Variants in LGR4 observed in about 807,000 individuals in gnomAD.
The protein encoded by LGR4 is leucine-rich repeat-containing G protein-coupled receptor 4.
In LGR4, 44 loss-of-function variants were observed where a neutral mutation model predicts 84.8. That is an observed-to-expected ratio of 0.52 (90% confidence interval 0.41 to 0.67). The LOEUF is 0.67. Ranked by LOEUF, LGR4 falls within the 30% of genes least tolerant of loss-of-function variation. The pLI is 0.00. For synonymous variants in LGR4, 429 were observed against 434.3 expected (o/e 0.99, Z 0.15); for missense variants, 1,032 against 1,131.4 (o/e 0.91, Z 1.26).
chr11:27,413,227 T>A (rs1386619861), intron 1 of LGR4, among the ~76,000 whole-genome samples: 1 of 152,078 alleles, frequency 6.6e-6, no homozygotes, highest in Non-Finnish European at 1.5e-5. Context: ...AGGAACGATA[T>A]GTAGAATTTA....
rs1244364168 is a variant in LGR4 at position 27,367,805 on chromosome 11, T to G, written c.*62A>C. 8.2e-7 allele frequency: 1 copy of G among 1,220,330 alleles called. No individual in the cohort carries two copies. Among genetic ancestry groups the G allele is most frequent in the Non-Finnish European group, 1.2e-6 (1 of 867,870 alleles). 75.6% of individuals were successfully genotyped at this position (1,220,330 alleles called of 1,614,324 possible). ...GTGCTTCCCAGATGAAAGATGAGAA[T>G]AGGGTTCACTCTATAAACACTGATT... On this transcript the variant is annotated 3_prime_UTR_variant, in exon 18 of 18. Coordinates refer to ENST00000379214, the MANE Select transcript of LGR4 (RefSeq NM_018490.5).
chr11:27,465,057 T>C (rs926879205), intron 1 of LGR4, among the ~76,000 whole-genome samples: 5 of 152,224 alleles, frequency 3.3e-5, no homozygotes, highest in African/African-American at 9.6e-5. Flanking sequence ...TAAATATGCT[T>C]CCTCTGCACA....
chr11:27,472,405 C>CG lies in LGR4; in HGVS notation c.-104dup, dbSNP rs1156468204. 2 of 948,468 alleles carry CG rather than the reference C, an allele frequency of 2.1e-6. No individual in the cohort carries two copies. Among genetic ancestry groups the CG allele is most frequent in the Middle Eastern group, 3.8e-4 (1 of 2,612 alleles). The allele number at this position is 948,468 out of a possible 1,614,324, so 58.8% of individuals were successfully genotyped here. Reference sequence around the variant, plus strand: ...CGGGCAGCCGGCCTGCGGGCTGGAGCGGGGGTCTCTTCCTCGGCGGTCCGC... The same window carrying CG: ...CGGGCAGCCGGCCTGCGGGCTGGAGCGGGGGGTCTCTTCCTCGGCGGTCCGC... On this transcript the variant is annotated 5_prime_UTR_variant, in exon 1 of 18. Transcript: ENST00000379214.
At chr11:27,418,008 C>T (rs185483528) in intron 1 of LGR4, among the ~76,000 whole-genome samples, 17 of 152,240 alleles carry the variant, frequency 1.1e-4, no homozygotes, top group South Asian at 4.1e-4. Flanking sequence ...GCTTCCTTTA[C>T]AAGAGGGAAA....
chr11:27,399,669 A>G (rs188890575), intron 2 of LGR4, among the ~76,000 whole-genome samples: 74 of 152,016 alleles, frequency 4.9e-4, no homozygotes, highest in African/African-American at 1.8e-3. Flanking sequence ...ACAGGCGCCC[A>G]CCACCATGCC....
At chr11:27,462,524 T>G (rs999274125) in intron 1 of LGR4, among the ~76,000 whole-genome samples, 1 of 152,224 alleles carries the variant, frequency 6.6e-6, no homozygotes, top group African/African-American at 2.4e-5. Flanking sequence ...ATCTACCAGA[T>G]GAGTAGCCTT....
intron 6 of LGR4, among the ~76,000 whole-genome samples, chr11:27,383,852 G>A (rs1299964217): frequency 1.3e-5 from 2 of 152,102 alleles, no homozygotes; most frequent in African/African-American, 2.4e-5. Flanking sequence ...AACAGCCAGA[G>A]GTCTCAAACA....
intron 15 of LGR4, 113 bp downstream of exon 15, chr11:27,373,438 C>T: frequency 1.9e-6 from 2 of 1,038,510 alleles, no homozygotes; most frequent in Non-Finnish European, 2.7e-6. Flanking sequence ...AGAAAACACC[C>T]TTAAATTATA....
At chr11:27,457,369 C>T (rs570213250) in intron 1 of LGR4, among the ~76,000 whole-genome samples, 1 of 152,284 alleles carries the variant, frequency 6.6e-6, no homozygotes, top group South Asian at 2.1e-4. Flanking sequence ...CTACAGGAGT[C>T]TCTGGCGGGG....
Position 27,378,686 on chromosome 11 carries a change from A to G in LGR4, c.1043+11T>C, listed in dbSNP as rs745875057. On this transcript the variant is annotated intron_variant, in intron 11 of 17. Transcript: ENST00000379214. The stretch of plus-strand genomic sequence containing the variant: ...AAGGTATGAGGGGAAGGGAAGAAGA[A>G]TCCAACTTACAAAGTCCTAAGCATC... 1 of 1,575,602 alleles carries G rather than the reference A, an allele frequency of 6.3e-7. No homozygotes were observed. The highest frequency in any genetic ancestry group is 1.7e-5 in the Admixed American group (1 of 59,378).
intron 2 of LGR4, among the ~76,000 whole-genome samples, chr11:27,403,634 TA>T (rs1218180826): frequency 6.6e-6 from 1 of 152,224 alleles, no homozygotes; most frequent in Middle Eastern, 3.2e-3. Flanking sequence ...AGTAGGAGTC[TA>T]TTTTTTAAAG....
At chr11:27,466,256 TAGAGA>T (rs1046014900) in intron 1 of LGR4, among the ~76,000 whole-genome samples, 2 of 152,206 alleles carry the variant, frequency 1.3e-5, no homozygotes, top group Admixed American at 1.3e-4. Context: ...CTTTTTTTAA[TAGAGA>T]AAAGGCAGGA....
At chr11:27,409,791 C>T (rs915023975) in intron 2 of LGR4, among the ~76,000 whole-genome samples, 12 of 152,158 alleles carry the variant, frequency 7.9e-5, no homozygotes, top group African/African-American at 2.9e-4. Flanking sequence ...ACCCTTACTA[C>T]TACCCTCATT....
intron 4 of LGR4, among the ~76,000 whole-genome samples, chr11:27,387,349 G>A (rs2133375033): frequency 6.6e-6 from 1 of 152,230 alleles, no homozygotes; most frequent in African/African-American, 2.4e-5. Flanking sequence ...AACTACCTCT[G>A]GAATAGATAA....
chr11:27,432,941 T>G (rs1864138795), intron 1 of LGR4, among the ~76,000 whole-genome samples: 1 of 152,132 alleles, frequency 6.6e-6, no homozygotes, highest in Non-Finnish European at 1.5e-5. Flanking sequence ...CTGTTAACAT[T>G]CCACAATGAG....
intron 1 of LGR4, among the ~76,000 whole-genome samples, chr11:27,463,423 G>A (rs576483071): frequency 6.6e-6 from 1 of 152,194 alleles, no homozygotes; most frequent in African/African-American, 2.4e-5. Flanking sequence ...TAGCAGAGAA[G>A]GGATGAAAAC....
At position 27,445,868 on chromosome 11, in the gene LGR4, C is replaced by A. The variant is rs1864380377; in HGVS notation, c.185+26250G>T. On this transcript the variant is annotated intron_variant, in intron 1 of 17. Coordinates refer to ENST00000379214, the MANE Select transcript of LGR4 (RefSeq NM_018490.5). Reference sequence around the variant, plus strand: ...CTACAGGCTGGGCAACAGAGTGAGACCCTGTCTCAAAAAATAAAAAAAAAA... The same window carrying A: ...CTACAGGCTGGGCAACAGAGTGAGAACCTGTCTCAAAAAATAAAAAAAAAA... Among the ~76,000 whole-genome samples the A allele has an allele frequency of 2.8e-5, 4 of 141,356 alleles. No individual in the cohort carries two copies. In the South Asian group the frequency reaches 1.0e-3, roughly 36 times the overall value. 92.7% of individuals were successfully genotyped at this position (141,356 alleles called of 152,430 possible).
intron 1 of LGR4, among the ~76,000 whole-genome samples, chr11:27,438,771 A>T (rs1344230961): frequency 1.3e-5 from 2 of 152,066 alleles, no homozygotes; most frequent in Non-Finnish European, 2.9e-5. Context: ...TCATGCTCGA[A>T]CTAGAACTTA....
At chr11:27,369,265 C>CA in intron 17 of LGR4, 122 bp from the exon 18 acceptor site, 2 of 686,962 alleles carry the variant, frequency 2.9e-6, no homozygotes, top group Non-Finnish European at 4.5e-6. Flanking sequence ...TCTACTTGAA[C>CA]AAAACTGAAC....
Sources: allele counts gnomAD v4.1 joint callset (sites outside exome capture counted in the v4.1 genomes callset), GRCh38; gene constraint gnomAD v4.1.1; transcripts MANE v1.5; gene names NCBI Gene and HGNC (gene_info 2026-07-23, HGNC 2026-07-21).